SASH1: variants seen among roughly 807,000 people sequenced by gnomAD.
SASH1 encodes the protein SAM and SH3 domain containing 1.
In SASH1, 44 loss-of-function variants were observed where a neutral mutation model predicts 125.2. That is an observed-to-expected ratio of 0.35 (90% CI 0.28 to 0.45). SASH1 has a LOEUF of 0.45. Ranked by LOEUF, SASH1 falls within the 20% of genes least tolerant of loss-of-function variation. The pLI, the probability that SASH1 is intolerant of heterozygous loss-of-function variation, is 1.00. For synonymous variants in SASH1, 639 were observed against 649.1 expected (o/e 0.98, Z 0.24); for missense variants, 1,426 against 1,614.5 (o/e 0.88, Z 2.00).
chr6:148,520,856 A>C (rs1379354876), intron 10 of SASH1, among the ~76,000 whole-genome samples: 1 of 152,226 alleles, frequency 6.6e-6, no homozygotes, highest in African/African-American at 2.4e-5. Flanking sequence ...GGTGATTTGA[A>C]AACATTTTAA....
intron 1 of SASH1, among the ~76,000 whole-genome samples, chr6:148,375,244 A>G (rs968756764): frequency 2.0e-5 from 3 of 149,980 alleles, no homozygotes; most frequent in African/African-American, 7.4e-5. Flanking sequence ...CACCCGCCTC[A>G]GCCTCCCAAA....
intron 16 of SASH1, among the ~76,000 whole-genome samples, chr6:148,536,588 C>T (rs1395081661): frequency 6.6e-6 from 1 of 152,234 alleles, no homozygotes; most frequent in East Asian, 1.9e-4. Flanking sequence ...GATCCGCCCA[C>T]CTCGGCCTCC....
At chr6:148,275,244 A>G (rs1354147773) in intron 1 of SASH1, among the ~76,000 whole-genome samples, 3 of 152,208 alleles carry the variant, frequency 2.0e-5, no homozygotes, top group African/African-American at 7.2e-5. Context: ...AATGTTCTCA[A>G]GAGCATTTTT....
intron 2 of SASH1, among the ~76,000 whole-genome samples, chr6:148,411,831 A>C (rs1317010204): frequency 6.6e-6 from 1 of 152,246 alleles, no homozygotes; most frequent in South Asian, 2.1e-4. Context: ...GGCGTGAGCC[A>C]CTGTGCTCAG....
At chr6:148,503,738 G>A (rs1156641113) in intron 8 of SASH1, among the ~76,000 whole-genome samples, 1 of 143,702 alleles carries the variant, frequency 7.0e-6, no homozygotes, top group Non-Finnish European at 1.5e-5. Context: ...AGGAGGTAAA[G>A]ATCAAAGATA....
chr6:148,202,128 G>GA, the SASH1 span, among the ~76,000 whole-genome samples: 3 of 149,490 alleles, frequency 2.0e-5, no homozygotes, highest in East Asian at 2.0e-4. Flanking sequence ...GCTGGATTCA[G>GA]TTTTTTTTTT....
At chr6:148,487,584 C>A in intron 7 of SASH1, 30 bp from the exon 8 acceptor site, 3 of 1,534,608 alleles carry the variant, frequency 2.0e-6, no homozygotes, top group Non-Finnish European at 2.7e-6. Flanking sequence ...CCATTCTTTC[C>A]ATTTCAGTAT....
intron 2 of SASH1, among the ~76,000 whole-genome samples, chr6:148,399,906 A>G (rs1260087201): frequency 6.6e-6 from 1 of 152,208 alleles, no homozygotes; most frequent in African/African-American, 2.4e-5. Context: ...GGAATATTAA[A>G]ACCAGGATGC....
chr6:148,452,120 C>T (rs1777127093), intron 4 of SASH1, among the ~76,000 whole-genome samples: 1 of 152,176 alleles, frequency 6.6e-6, no homozygotes, highest in South Asian at 2.1e-4. Flanking sequence ...CAACTGGAGC[C>T]ATCATTATTT....
At chr6:148,383,368 CAAG>C (rs1268270140) in intron 1 of SASH1, among the ~76,000 whole-genome samples, 2 of 151,904 alleles carry the variant, frequency 1.3e-5, no homozygotes, top group Non-Finnish European at 2.9e-5. Flanking sequence ...CCTCTTCAAA[CAAG>C]GAGCAATGTA....
At chr6:148,329,220 T>G (rs1305414549) in intron 1 of SASH1, among the ~76,000 whole-genome samples, 1 of 152,210 alleles carries the variant, frequency 6.6e-6, no homozygotes, top group African/African-American at 2.4e-5. Flanking sequence ...GTTGTTTCAT[T>G]TATAAGGCAT....
At chr6:148,272,920 G>C (rs1165848659) in intron 1 of SASH1, among the ~76,000 whole-genome samples, 1 of 152,058 alleles carries the variant, frequency 6.6e-6, no homozygotes, top group Non-Finnish European at 1.5e-5. Flanking sequence ...TGTGGAAATC[G>C]TATTCTACAG....
chr6:148,508,171 T>C (rs1779911187), intron 8 of SASH1, among the ~76,000 whole-genome samples: 1 of 152,162 alleles, frequency 6.6e-6, no homozygotes, highest in African/African-American at 2.4e-5. Flanking sequence ...ACATTTACCC[T>C]GGTTGTTAAA....
intron 8 of SASH1, among the ~76,000 whole-genome samples, chr6:148,490,013 T>TAAAAAAAAA (rs57304766): frequency 4.0e-5 from 5 of 124,964 alleles, no homozygotes; most frequent in Non-Finnish European, 6.6e-5. Flanking sequence ...ATCCTGTCTT[T>TAAAAAAAAA]AAAAAAAAAA....
At position 148,298,211 on chromosome 6, in the gene SASH1, C is replaced by T. The variant is rs146983431; in HGVS notation, n.74+25834C>T. On this transcript the variant is annotated intron_variant and non_coding_transcript_variant, in intron 1 of 3. Transcript: ENST00000367469. ...TTTTTCCAGTGGAGATGGGGTGTCA[C>T]CATGTTGGCCAGGCTGGTCTTGAAC... Among the ~76,000 whole-genome samples the T allele has an allele frequency of 3.4e-3, 510 of 152,030 alleles. 2 individuals carry two copies. Among genetic ancestry groups the T allele is most frequent in the African/African-American group, 0.012 (491 of 41,468 alleles).
intron 1 of SASH1, chr6:148,272,516 G>A (rs1419442715): frequency 1.2e-5 from 4 of 336,440 alleles, no homozygotes; most frequent in Non-Finnish European, 2.7e-5. Context: ...CAGTGCTACT[G>A]ATGAATTCAT....
At chr6:148,260,963 C>T in the SASH1 span, among the ~76,000 whole-genome samples, 1 of 151,912 alleles carries the variant, frequency 6.6e-6, no homozygotes, top group Non-Finnish European at 1.5e-5. Flanking sequence ...TGCCACCACA[C>T]CCGGCTAATT....
intron 1 of SASH1, among the ~76,000 whole-genome samples, chr6:148,286,958 G>T (rs1411479530): frequency 6.6e-6 from 1 of 152,092 alleles, no homozygotes; most frequent in Non-Finnish European, 1.5e-5. Flanking sequence ...CATCACCCAG[G>T]CTTCCATACC....
intron 2 of SASH1, among the ~76,000 whole-genome samples, chr6:148,430,177 G>C (rs1776005861): frequency 6.6e-6 from 1 of 152,210 alleles, no homozygotes; most frequent in African/African-American, 2.4e-5. Flanking sequence ...AGCATAAGCA[G>C]AAGTGAGACA....
Sources: gnomAD v4.1 joint callset for allele counts (sites outside exome capture counted in the v4.1 genomes callset) on GRCh38, gnomAD v4.1.1 for gene constraint, MANE v1.5 for transcripts, NCBI Gene and HGNC (gene_info 2026-07-23, HGNC 2026-07-21) for gene names.